The following HNRNPA2B1 variants were observed in gnomAD, a reference collection of about 807,000 sequenced individuals.
HNRNPA2B1 encodes heterogeneous nuclear ribonucleoproteins A2/B1.
HNRNPA2B1 carries 3 observed loss-of-function variants against 46.3 expected under a neutral mutation model. That is an observed-to-expected ratio of 0.06 (90% CI 0.03 to 0.17). The LOEUF (loss-of-function observed/expected upper bound fraction) is 0.17, where lower values mean the gene tolerates loss of function less well. Ranked by LOEUF, HNRNPA2B1 falls within the 10% of genes least tolerant of loss-of-function variation. The pLI is 1.00. For missense variants in HNRNPA2B1, 221 were observed against 418.9 expected (o/e 0.53, Z 4.12); for synonymous variants, 225 against 133.8 (o/e 1.68, Z -4.70).
rs773260084 is a variant in HNRNPA2B1 at position 26,197,432 on chromosome 7, T to C, written c.147A>G (p.Ser49=). 6.2e-7 allele frequency: 1 copy of C among 1,614,116 alleles called. No homozygotes were observed. Among genetic ancestry groups the C allele is most frequent in the Non-Finnish European group, 8.5e-7 (1 of 1,179,994 alleles). The change falls in exon 3 of 11, where the codon TCA becomes TCG. Residue 49 remains serine (S), a synonymous_variant. Transcript: ENST00000618183. ...AAAAAGTTACAAAACCAAATCCTCT[T>C]GATCTTTTGCTTGCAGGATCCCTCA... ...VVMRDPASKR[S]RGFGFVTFSS...
chr7:26,194,703 AAC>A (rs765342967), intron 7 of HNRNPA2B1, among the ~76,000 whole-genome samples: 39 of 152,020 alleles, frequency 2.6e-4, no homozygotes, highest in Non-Finnish European at 3.4e-4. Context: ...AAAGAAAAAA[AAC>A]AGACCCAACA....
intron 7 of HNRNPA2B1, chr7:26,195,646 T>C (rs1164861814): frequency 1.8e-6 from 1 of 554,830 alleles, no homozygotes; most frequent in East Asian, 3.2e-5. Context: ...CTTTACATTT[T>C]CATTTAAAAT....
At chr7:26,200,518 G>A (rs575617958) in intron 1 of HNRNPA2B1, 54 bp downstream of exon 1, 9 of 1,596,560 alleles carry the variant, frequency 5.6e-6, no homozygotes, top group East Asian at 2.2e-5. Flanking sequence ...CCACTGAGGC[G>A]CCAACGGCCT....
At chr7:26,195,494 A>C (rs191589968) in intron 7 of HNRNPA2B1, among the ~76,000 whole-genome samples, 1 of 152,186 alleles carries the variant, frequency 6.6e-6, no homozygotes, top group African/African-American at 2.4e-5. Flanking sequence ...GACATATTTC[A>C]TATTTTTTCC....
Position 26,200,609 on chromosome 7 carries a change from G to A in HNRNPA2B1, c.-32C>T, listed in dbSNP as rs1165617326. 3 of 1,613,326 alleles carry A rather than the reference G, an allele frequency of 1.9e-6. No individual in the cohort carries two copies. In the South Asian group the frequency reaches 3.3e-5, roughly 18 times the overall value. On this transcript the variant is annotated 5_prime_UTR_variant, in exon 1 of 11. Coordinates refer to ENST00000618183, the MANE Select transcript of HNRNPA2B1 (RefSeq NM_002137.4). ...CTCAGTCGCTTCAGCCCGATTTCCC[G>A]CAGCCGAGCGAGATGAGAGAGATCT...
intron 6 of HNRNPA2B1, 44 bp from the exon 7 acceptor site, chr7:26,195,953 A>G (rs1347639545): frequency 2.6e-6 from 4 of 1,559,182 alleles, no homozygotes; most frequent in Admixed American, 2.2e-5. Flanking sequence ...TAAACTGTTC[A>G]GCATTATTGC....
rs199612730 is a variant in HNRNPA2B1 at position 26,196,798 on chromosome 7, G to A, written c.475+9C>T. ...GAAAAAAACAGTACATTTGTGGTTAGACACTTACATACGATTTTATCCACA... is the reference window on the plus strand; with the variant it reads ...GAAAAAAACAGTACATTTGTGGTTAAACACTTACATACGATTTTATCCACA... On this transcript the variant is annotated intron_variant, in intron 4 of 10. Transcript: ENST00000618183. 69 of 1,609,572 alleles carry A rather than the reference G, an allele frequency of 4.3e-5. No homozygotes were observed. In the East Asian group the frequency reaches 1.0e-3, roughly 24 times the overall value.
intron 1 of HNRNPA2B1, chr7:26,198,126 A>G: frequency 3.0e-6 from 1 of 336,296 alleles, no homozygotes; most frequent in Non-Finnish European, 5.2e-6. Flanking sequence ...CCTACAACCT[A>G]AAAACGCAAA....
At position 26,196,907 on chromosome 7, in the gene HNRNPA2B1, T is replaced by C. The variant is rs762275925; in HGVS notation, c.375A>G (p.Lys125=). The change falls in exon 4 of 11, where the codon AAA becomes AAG. Residue 125 remains lysine, a synonymous_variant. Transcript: ENST00000618183. ...CAGTAATTATCTCAATGGTATCAAT[T>C]TTTCCATATTCCTCAAAGTAATCTC... ...HLRDYFEEYG[K]IDTIEIITDR... is the part of the protein sequence containing the mutation. The C allele has an allele frequency of 3.0e-5, 49 of 1,613,710 alleles. No individual in the cohort carries two copies. Among genetic ancestry groups the C allele is most frequent in the Non-Finnish European group, 3.8e-5 (45 of 1,179,788 alleles).
At chr7:26,195,017 C>A (rs185438491) in intron 7 of HNRNPA2B1, among the ~76,000 whole-genome samples, 2 of 145,378 alleles carry the variant, frequency 1.4e-5, no homozygotes, top group Non-Finnish European at 3.0e-5. Context: ...TCACTTGGAC[C>A]GGGAAGGCAG....
chr7:26,195,948 T>A (rs187795169), intron 6 of HNRNPA2B1, 39 bp from the exon 7 acceptor site: 1 of 1,567,250 alleles, frequency 6.4e-7, no homozygotes, highest in Non-Finnish European at 8.6e-7. Context: ...TACTATAAAC[T>A]GTTCAGCATT....
rs1237172244 is a variant in HNRNPA2B1, at chr7:26,190,139, G to C, written c.*2221C>G. On this transcript the variant is annotated 3_prime_UTR_variant, in exon 11 of 11. Coordinates refer to ENST00000618183, the MANE Select transcript of HNRNPA2B1 (RefSeq NM_002137.4). ...TACACCAAGTATTTGGATACAAAAA[G>C]TATTTATTTTATAAACTTTATATTT... 1 of 152,488 alleles carries C rather than the reference G, an allele frequency of 6.6e-6. No homozygotes were observed. The highest frequency in any genetic ancestry group is 1.5e-5 in the Non-Finnish European group (1 of 67,990). 9.4% of individuals were successfully genotyped at this position (152,488 alleles called of 1,614,324 possible). A position where few individuals can be genotyped will look rare whatever the true frequency, so the allele number is the denominator to read the frequency against.
chr7:26,193,384 A>G lies in HNRNPA2B1; in HGVS notation c.842-11T>C. 1.2e-6 allele frequency: 2 copies of G among 1,609,868 alleles called. No individual in the cohort carries two copies. On this transcript the variant is annotated splice_polypyrimidine_tract_variant and intron_variant, in intron 8 of 10. Coordinates refer to ENST00000618183, the MANE Select transcript of HNRNPA2B1 (RefSeq NM_002137.4). ...CACTTCCATAATTTCCTATTAAAAA[A>G]TTGGAATACTCAGAACAATACAAAC...
chr7:26,194,226 C>G (rs555377814), intron 7 of HNRNPA2B1, among the ~76,000 whole-genome samples: 2 of 152,088 alleles, frequency 1.3e-5, no homozygotes, highest in Non-Finnish European at 2.9e-5. Context: ...GAAACCCCAT[C>G]TCTACTAAAA....
rs1035630672 is a variant in HNRNPA2B1, at chr7:26,190,519, AAAC to A, written c.*1838_*1840del. ...TTATCATGTTTGTCCAAAAGAACCT[AAAC>A]AACTTCAGTGGTGGTCTTAGGATCA... On this transcript the variant is annotated 3_prime_UTR_variant, in exon 11 of 11. Transcript: ENST00000618183. 4 of 152,356 alleles carry A rather than the reference AAAC, an allele frequency of 2.6e-5. No individual in the cohort carries two copies. Among genetic ancestry groups the A allele is most frequent in the Non-Finnish European group, 4.4e-5 (3 of 68,020 alleles). The allele number at this position is 152,356 out of a possible 1,614,324, so 9.4% of individuals were successfully genotyped here.
At chr7:26,193,746 T>TGA (rs1169569308) in intron 7 of HNRNPA2B1, 52 bp from the exon 8 acceptor site, 1 of 1,463,208 alleles carries the variant, frequency 6.8e-7, no homozygotes, top group Admixed American at 1.9e-5. Context: ...AATACCATTT[T>TGA]GAACTGTCTC....
intron 1 of HNRNPA2B1, chr7:26,199,102 G>C (rs1224083051): frequency 6.6e-6 from 1 of 152,298 alleles, no homozygotes; most frequent in Non-Finnish European, 1.5e-5. Context: ...TCAGCACATA[G>C]GTTATCTCTA....
At position 26,195,830 on chromosome 7, in the gene HNRNPA2B1, C is replaced by G; in HGVS notation, c.721+17G>C. 3.7e-6 allele frequency: 6 copies of G among 1,606,560 alleles called. No homozygotes were observed. Among genetic ancestry groups the G allele is most frequent in the Non-Finnish European group, 4.2e-6 (5 of 1,177,754 alleles). On this transcript the variant is annotated intron_variant, in intron 7 of 10. Coordinates refer to ENST00000618183, the MANE Select transcript of HNRNPA2B1 (RefSeq NM_002137.4). ...TATTAGTCACATAAACAAACCAAAA[C>G]GTAGAGGAAAACTGACCTCCAGGTC...
Position 26,193,231 on chromosome 7 carries a change from C to T in HNRNPA2B1, c.964+20G>A. 2 of 1,602,856 alleles carry T rather than the reference C, an allele frequency of 1.2e-6. No homozygotes were observed. The highest frequency in any genetic ancestry group is 1.7e-6 in the Non-Finnish European group (2 of 1,176,080). ...CCTTTAATCACAAAAATCTGAATAA[C>T]CTCAATTTTTATAAATTACCTCCAC... On this transcript the variant is annotated intron_variant, in intron 9 of 10. Coordinates refer to ENST00000618183, the MANE Select transcript of HNRNPA2B1 (RefSeq NM_002137.4).
Sources: allele counts gnomAD v4.1 joint callset (sites outside exome capture counted in the v4.1 genomes callset), GRCh38; gene constraint gnomAD v4.1.1; transcripts MANE v1.5; gene names NCBI Gene and HGNC (gene_info 2026-07-23, HGNC 2026-07-21).